The following UBE2V2 variants were observed in gnomAD, a reference collection of about 807,000 sequenced individuals.
The protein encoded by UBE2V2 is ubiquitin conjugating enzyme E2 V2, also known as ubiquitin-conjugating enzyme E2 variant 2.
In UBE2V2, 9 loss-of-function variants were observed where a neutral mutation model predicts 17.2. The observed-to-expected ratio is 0.52, with a 90% CI of 0.32 to 0.91. The LOEUF (loss-of-function observed/expected upper bound fraction) is 0.91. Ranked by LOEUF, UBE2V2 falls within the 40% of genes least tolerant of loss-of-function variation. The probability of loss-of-function intolerance (pLI) is 0.04; values close to 1 mark genes in which losing one functional copy is unlikely to be tolerated. For synonymous variants in UBE2V2, 61 were observed against 57.5 expected (o/e 1.06, Z -0.28); for missense variants, 133 against 182.6 (o/e 0.73, Z 1.56).
At chr8:48,005,142 T>C (rs551094706), upstream of UBE2V2, among the ~76,000 whole-genome samples, 2 of 151,918 alleles carry the variant, frequency 1.3e-5, no homozygotes, top group African/African-American at 4.8e-5. Flanking sequence ...CTACATTACG[T>C]ATTTCTCCTA....
At chr8:48,038,664 A>G (rs952050687) in intron 1 of UBE2V2, among the ~76,000 whole-genome samples, 1 of 152,062 alleles carries the variant, frequency 6.6e-6, no homozygotes. Context: ...TGTTTTTAGT[A>G]GAGATGGGGT....
intron 1 of UBE2V2, among the ~76,000 whole-genome samples, chr8:48,014,140 G>C (rs1024078412): frequency 1.3e-5 from 2 of 152,102 alleles, no homozygotes; most frequent in East Asian, 3.8e-4. Context: ...GATTTTTCTA[G>C]GTCATTTGGG....
intron 1 of UBE2V2, 49 bp downstream of exon 1, chr8:48,008,519 G>A (rs746007208): frequency 6.5e-7 from 1 of 1,543,996 alleles, no homozygotes; most frequent in Non-Finnish European, 8.7e-7. Context: ...ACCCGGCTCT[G>A]CCCCTCCGTC....
At chr8:48,042,609 C>G (rs2091471158) in intron 1 of UBE2V2, 1 of 150,630 alleles carries the variant, frequency 6.6e-6, no homozygotes, top group Non-Finnish European at 1.5e-5. Flanking sequence ...GGTGCACTTT[C>G]TAAGATGGAA....
chr8:48,000,151 C>T, the UBE2V2 span, among the ~76,000 whole-genome samples: 1 of 152,168 alleles, frequency 6.6e-6, no homozygotes, highest in Admixed American at 6.5e-5. Flanking sequence ...GGGCATAAGA[C>T]AATATGAGGG....
Position 48,049,989 on chromosome 8 carries a change from A to G in UBE2V2, c.291+11A>G, listed in dbSNP as rs759722149. On this transcript the variant is annotated intron_variant, in intron 3 of 3. Transcript: ENST00000523111. ...AATTCCAGTGGGATGGTAAGTTAATATAGTCATTTTGGTTTTATATAACAT... is the reference window on the plus strand; with the variant it reads ...AATTCCAGTGGGATGGTAAGTTAATGTAGTCATTTTGGTTTTATATAACAT... 8 of 1,513,648 alleles carry G rather than the reference A, an allele frequency of 5.3e-6. No individual in the cohort carries two copies. The highest frequency in any genetic ancestry group is 2.3e-5 in the Admixed American group (1 of 43,408). The allele number at this position is 1,513,648 out of a possible 1,614,324, so 93.8% of individuals were successfully genotyped here. A position where few individuals can be genotyped will look rare whatever the true frequency, so the allele number is the denominator to read the frequency against.
intron 1 of UBE2V2, among the ~76,000 whole-genome samples, chr8:48,027,092 C>T (rs902350846): frequency 1.3e-5 from 2 of 152,178 alleles, no homozygotes; most frequent in African/African-American, 4.8e-5. Flanking sequence ...TCAAGTGATC[C>T]TCCTGCCTCA....
At chr8:48,007,353 A>G (rs1373456437), upstream of UBE2V2, among the ~76,000 whole-genome samples, 1 of 152,190 alleles carries the variant, frequency 6.6e-6, no homozygotes, top group African/African-American at 2.4e-5. Flanking sequence ...TTGTATATTT[A>G]GAAAACCCCA....
intron 1 of UBE2V2, among the ~76,000 whole-genome samples, chr8:48,015,980 C>T (rs2091266553): frequency 6.6e-6 from 1 of 151,488 alleles, no homozygotes; most frequent in African/African-American, 2.4e-5. Context: ...TCACTGCAAC[C>T]TCCACCTCCT....
rs554930428 is a variant in UBE2V2, at chr8:48,025,960, G to A, written c.17-17073G>A. ...GAGGGAAAGGGAGGTTATTGGGAGT[G>A]TTTTAAGTGTTTGATAGAAACGTAT... On this transcript the variant is annotated intron_variant, in intron 1 of 3. Transcript: ENST00000523111. Among the ~76,000 whole-genome samples, 198 of 152,232 alleles carry A rather than the reference G, an allele frequency of 1.3e-3. 2 individuals are homozygous for A. The highest frequency in any genetic ancestry group is 2.3e-3 in the Non-Finnish European group (158 of 68,020).
chr8:48,012,061 G>A (rs2091235748), intron 1 of UBE2V2, among the ~76,000 whole-genome samples: 5 of 152,196 alleles, frequency 3.3e-5, no homozygotes. Flanking sequence ...GTGGTTACTA[G>A]TACAGGCAAG....
intron 1 of UBE2V2, among the ~76,000 whole-genome samples, chr8:48,008,766 T>C (rs1003775988): frequency 3.3e-5 from 5 of 151,688 alleles, no homozygotes; most frequent in African/African-American, 1.2e-4. Context: ...AGTTGTAGGC[T>C]GAAGGCTCTA....
At chr8:48,030,507 G>A (rs564738479) in intron 1 of UBE2V2, among the ~76,000 whole-genome samples, 1 of 152,144 alleles carries the variant, frequency 6.6e-6, no homozygotes, top group Non-Finnish European at 1.5e-5. Flanking sequence ...GATCACTTGA[G>A]CCCAGGAGTT....
At chr8:48,041,581 A>G (rs1230620698) in intron 1 of UBE2V2, among the ~76,000 whole-genome samples, 1 of 152,206 alleles carries the variant, frequency 6.6e-6, no homozygotes, top group Admixed American at 6.6e-5. Flanking sequence ...ACACAGACAA[A>G]TTAAAAGTTC....
intron 1 of UBE2V2, among the ~76,000 whole-genome samples, chr8:48,012,363 G>A (rs2091238424): frequency 6.6e-6 from 1 of 152,170 alleles, no homozygotes; most frequent in Non-Finnish European, 1.5e-5. Context: ...ATACTGTTTA[G>A]TACTCATGAT....
At chr8:48,016,178 T>C (rs2091268087) in intron 1 of UBE2V2, among the ~76,000 whole-genome samples, 1 of 152,174 alleles carries the variant, frequency 6.6e-6, no homozygotes, top group Non-Finnish European at 1.5e-5. Context: ...ATTACAGGCG[T>C]GAGCCACCGC....
chr8:48,009,185 A>G lies in UBE2V2; in HGVS notation c.16+715A>G, dbSNP rs138477007. On this transcript the variant is annotated intron_variant, in intron 1 of 3. Coordinates refer to ENST00000523111, the MANE Select transcript of UBE2V2 (RefSeq NM_003350.3). ...ACGTTGAGGTTTTAGACATTAGACC[A>G]TTTCAGAAATGTTAAAAACGTTAAG... is the stretch of plus-strand genomic sequence containing the variant. 3.9e-3 allele frequency among the ~76,000 whole-genome samples: 599 copies of G among 152,038 alleles called. 4 individuals are homozygous for G. The highest frequency in any genetic ancestry group is 0.025 in the South Asian group (119 of 4,822).
chr8:48,011,038 T>C (rs2091226938), intron 1 of UBE2V2, among the ~76,000 whole-genome samples: 1 of 151,772 alleles, frequency 6.6e-6, no homozygotes, highest in East Asian at 1.9e-4. Context: ...GCCTATTAAT[T>C]AGTTTTAATT....
chr8:48,007,841 C>T (rs2091195318), upstream of UBE2V2, among the ~76,000 whole-genome samples: 3 of 151,948 alleles, frequency 2.0e-5, no homozygotes, highest in South Asian at 4.1e-4. Context: ...GTGACCCTCC[C>T]ACCTCAGCAT....
Sources: gnomAD v4.1 joint callset for allele counts (sites outside exome capture counted in the v4.1 genomes callset) on GRCh38, gnomAD v4.1.1 for gene constraint, MANE v1.5 for transcripts, NCBI Gene and HGNC (gene_info 2026-07-23, HGNC 2026-07-21) for gene names.